The following CELF2 variants were observed in gnomAD, a reference collection of about 807,000 sequenced individuals.
CELF2 encodes CUG triplet repeat RNA-binding protein 2.
CELF2 carries 8 observed loss-of-function variants against 62.6 expected under a neutral mutation model. That is an observed-to-expected ratio of 0.13 (90% CI 0.07 to 0.23). The LOEUF (loss-of-function observed/expected upper bound fraction) is 0.23, where lower values mean the gene tolerates loss of function less well. Among genes scored for constraint, CELF2 ranks in the 10% least tolerant of loss-of-function variants. The pLI is 1.00. For missense variants in CELF2, 333 were observed against 671.0 expected (o/e 0.50, Z 5.56); for synonymous variants, 258 against 250.0 (o/e 1.03, Z -0.30).
At chr10:10,591,248 T>C in the CELF2 span, among the ~76,000 whole-genome samples, 1 of 152,188 alleles carries the variant, frequency 6.6e-6, no homozygotes, top group South Asian at 2.1e-4. Context: ...GCGTTATTTA[T>C]AATATCAAAA....
At chr10:10,595,860 C>G in the CELF2 span, among the ~76,000 whole-genome samples, 3 of 152,070 alleles carry the variant, frequency 2.0e-5, no homozygotes, top group African/African-American at 7.2e-5. Context: ...GGCGCCACTG[C>G]ACTCCAGCCT....
chr10:10,884,759 G>A (rs2061648327), intron 1 of CELF2, among the ~76,000 whole-genome samples: 1 of 152,148 alleles, frequency 6.6e-6, no homozygotes, highest in African/African-American at 2.4e-5. Context: ...ACAAACTAGG[G>A]CCCAGCTAGT....
At chr10:10,974,424 A>T (rs1166545807) in intron 2 of CELF2, among the ~76,000 whole-genome samples, 1 of 152,202 alleles carries the variant, frequency 6.6e-6, no homozygotes, top group Non-Finnish European at 1.5e-5. Flanking sequence ...ATACTTAGAT[A>T]AATAGAAAGG....
At chr10:10,513,466 A>G in the CELF2 span, among the ~76,000 whole-genome samples, 1 of 152,216 alleles carries the variant, frequency 6.6e-6, no homozygotes, top group African/African-American at 2.4e-5. Context: ...GACAGTAACT[A>G]CTTCTGTCCA....
chr10:10,758,760 G>A, the CELF2 span, among the ~76,000 whole-genome samples: 1 of 152,230 alleles, frequency 6.6e-6, no homozygotes, highest in Non-Finnish European at 1.5e-5. Context: ...GTGTGTAATT[G>A]ACAGATTTGA....
chr10:10,533,128 T>A, the CELF2 span, among the ~76,000 whole-genome samples: 1 of 152,230 alleles, frequency 6.6e-6, no homozygotes, highest in African/African-American at 2.4e-5. Context: ...CTTACCATAA[T>A]ATAGCTGTAA....
At position 11,270,936 on chromosome 10, in the gene CELF2, A is replaced by T; in HGVS notation, c.777+112A>T. ...TTCAGTACATTTTCAATCTCGGGGA[A>T]TTATTGAAATCAGCATTTATGCAGG... On this transcript the variant is annotated intron_variant, in intron 7 of 12. Coordinates refer to ENST00000633077, the MANE Select transcript of CELF2 (RefSeq NM_001326342.2). The surrounding 1 kb of genome is among the most constrained non-coding windows in gnomAD (Gnocchi z 5.8). 1 of 1,030,820 alleles carries T rather than the reference A, an allele frequency of 9.7e-7. No individual in the cohort carries two copies. Among genetic ancestry groups the T allele is most frequent in the Non-Finnish European group, 1.3e-6 (1 of 770,058 alleles). The allele number at this position is 1,030,820 out of a possible 1,614,324, so 63.9% of individuals were successfully genotyped here.
At chr10:11,218,879 T>G (rs2064032272) in intron 3 of CELF2, among the ~76,000 whole-genome samples, 1 of 152,224 alleles carries the variant, frequency 6.6e-6, no homozygotes, top group African/African-American at 2.4e-5. Context: ...ATTGCAGTGT[T>G]GGGTCACATT....
At chr10:11,062,999 C>T (rs1290885676) in intron 1 of CELF2, among the ~76,000 whole-genome samples, 2 of 152,164 alleles carry the variant, frequency 1.3e-5, no homozygotes, top group African/African-American at 2.4e-5. Context: ...ACCAGCAAAA[C>T]GATTGCAAGC....
At chr10:10,823,835 A>G (rs182147463) in intron 1 of CELF2, among the ~76,000 whole-genome samples, 2 of 152,208 alleles carry the variant, frequency 1.3e-5, no homozygotes, top group East Asian at 1.9e-4. Flanking sequence ...TATATATGAG[A>G]AAAAGCATAA....
chr10:10,734,318 T>A, the CELF2 span, among the ~76,000 whole-genome samples: 1 of 152,240 alleles, frequency 6.6e-6, no homozygotes, highest in Non-Finnish European at 1.5e-5. Flanking sequence ...TGCAAGTTTC[T>A]TTCATTTATG....
chr10:10,917,328 G>A (rs2064436386), intron 1 of CELF2, among the ~76,000 whole-genome samples: 1 of 152,142 alleles, frequency 6.6e-6, no homozygotes, highest in African/African-American at 2.4e-5. Context: ...GCAGTGGATT[G>A]TTGTTTGTTT....
chr10:10,634,501 G>A, the CELF2 span, among the ~76,000 whole-genome samples: 146 of 152,114 alleles, frequency 9.6e-4, 3 homozygotes, highest in East Asian at 0.025. Context: ...ATCTAAATTA[G>A]CTTATATACA....
At chr10:11,172,645 A>G (rs781356390) in intron 2 of CELF2, among the ~76,000 whole-genome samples, 1 of 152,210 alleles carries the variant, frequency 6.6e-6, no homozygotes, top group Non-Finnish European at 1.5e-5. Context: ...GATAATACCT[A>G]TCATGGGTAC....
intron 2 of CELF2, among the ~76,000 whole-genome samples, chr10:10,979,507 C>T (rs749468716): frequency 5.9e-5 from 9 of 151,786 alleles, no homozygotes; most frequent in Non-Finnish European, 1.0e-4. Flanking sequence ...CCTGTCTCTA[C>T]GAAAAATATA....
At chr10:10,536,417 C>G in the CELF2 span, among the ~76,000 whole-genome samples, 3 of 152,336 alleles carry the variant, frequency 2.0e-5, no homozygotes, top group Non-Finnish European at 4.4e-5. Flanking sequence ...ATAAATACCC[C>G]TAATGCTTTT....
intron 3 of CELF2, among the ~76,000 whole-genome samples, chr10:11,225,125 G>A (rs1166146441): frequency 7.0e-6 from 1 of 143,700 alleles, no homozygotes; most frequent in Non-Finnish European, 1.5e-5. Flanking sequence ...GATAATGAAG[G>A]AATATTTCAG....
the CELF2 span, among the ~76,000 whole-genome samples, chr10:10,666,083 G>A: frequency 2.0e-5 from 3 of 152,156 alleles, no homozygotes; most frequent in Non-Finnish European, 2.9e-5. Context: ...TGTGTTTCCA[G>A]GTATCTTAGC....
intron 2 of CELF2, among the ~76,000 whole-genome samples, chr10:10,932,696 A>T (rs796906891): frequency 2.5e-5 from 3 of 121,802 alleles, no homozygotes; most frequent in Non-Finnish European, 5.4e-5. Context: ...GTGTGTGTGT[A>T]TATATATATG....
Sources: gnomAD v4.1 joint callset for allele counts (sites outside exome capture counted in the v4.1 genomes callset) on GRCh38, gnomAD v4.1.1 for gene constraint, Gnocchi (gnomAD v3.1) non-coding constraint, MANE v1.5 for transcripts, NCBI Gene and HGNC (gene_info 2026-07-23, HGNC 2026-07-21) for gene names.